LRRTM4: variants seen among roughly 807,000 people sequenced by gnomAD.
LRRTM4 encodes leucine-rich repeat transmembrane neuronal protein 4.
LRRTM4 carries 25 observed loss-of-function variants against 47.6 expected under a neutral mutation model. The observed-to-expected ratio is 0.53, with a 90% CI of 0.38 to 0.73. The LOEUF is 0.73. Among genes scored for constraint, LRRTM4 ranks in the 30% least tolerant of loss-of-function variants. LRRTM4 has a pLI of 0.00. For synonymous variants in LRRTM4, 311 were observed against 269.5 expected, an observed-to-expected ratio of 1.15 and a Z score of -1.51; for missense variants, 638 against 713.4, an observed-to-expected ratio of 0.89 and a Z score of 1.20.
At chr2:76,933,704 A>C (rs553078565) in intron 3 of LRRTM4, among the ~76,000 whole-genome samples, 2 of 152,132 alleles carry the variant, frequency 1.3e-5, no homozygotes, top group South Asian at 4.1e-4. Context: ...CTCAGTTACA[A>C]GGTGTTGACT....
intron 3 of LRRTM4, among the ~76,000 whole-genome samples, chr2:76,961,846 T>C (rs1314587259): frequency 6.6e-6 from 1 of 151,392 alleles, no homozygotes; most frequent in Non-Finnish European, 1.5e-5. Context: ...AATTTTGCTT[T>C]GTCAATATTT....
intron 3 of LRRTM4, chr2:77,516,811 T>C: frequency 2.0e-6 from 2 of 982,056 alleles, no homozygotes; most frequent in Non-Finnish European, 2.4e-6. Flanking sequence ...AACAGTTCAA[T>C]AGTCCAAATT....
At chr2:76,993,537 G>C (rs1677087267) in intron 3 of LRRTM4, among the ~76,000 whole-genome samples, 2 of 151,778 alleles carry the variant, frequency 1.3e-5, no homozygotes, top group Non-Finnish European at 2.9e-5. Flanking sequence ...GGAGAAATGT[G>C]AATCAAAACC....
intron 3 of LRRTM4, among the ~76,000 whole-genome samples, chr2:77,115,525 T>C (rs1337457187): frequency 6.6e-6 from 1 of 152,202 alleles, no homozygotes; most frequent in African/African-American, 2.4e-5. Flanking sequence ...TAAATGTACA[T>C]GAAATCTTCA....
rs1020087522 is a variant in LRRTM4, at chr2:76,748,591, C to G, written c.*104G>C. ...TATGCCATAAATGTTTTAACAGGAACGATGAGCTTGCTCGATTGCGCGATT... is the reference window on the plus strand; with the variant it reads ...TATGCCATAAATGTTTTAACAGGAAGGATGAGCTTGCTCGATTGCGCGATT... On this transcript the variant is annotated 3_prime_UTR_variant, in exon 4 of 4. Coordinates refer to ENST00000409884, the MANE Select transcript of LRRTM4 (RefSeq NM_001134745.3). 3.6e-5 allele frequency: 33 copies of G among 918,592 alleles called. No homozygotes were observed. Among genetic ancestry groups the G allele is most frequent in the Non-Finnish European group, 4.2e-5 (25 of 593,208 alleles). The allele number at this position is 918,592 out of a possible 1,614,324, so 56.9% of individuals were successfully genotyped here.
intron 3 of LRRTM4, among the ~76,000 whole-genome samples, chr2:76,833,828 A>G (rs1406717603): frequency 6.6e-6 from 1 of 151,682 alleles, no homozygotes; most frequent in Non-Finnish European, 1.5e-5. Flanking sequence ...TTTAATATGC[A>G]TGTACCTTAT....
rs1383814948 is a variant in LRRTM4, at chr2:76,767,579, G to T, written c.1552-18663C>A. On this transcript the variant is annotated intron_variant, in intron 3 of 3. Coordinates refer to ENST00000409884, the MANE Select transcript of LRRTM4 (RefSeq NM_001134745.3). The stretch of plus-strand genomic sequence containing the variant: ...CCACTCTATAATATCTAAAGCTACA[G>T]TTGGCTGTAGTTTATCATCCAAGTG... Among the ~76,000 whole-genome samples the T allele has an allele frequency of 3.3e-5, 5 of 152,124 alleles. No homozygotes were observed. In the South Asian group the frequency reaches 8.3e-4, roughly 25 times the overall value.
At chr2:77,158,034 G>C (rs1672608155) in intron 3 of LRRTM4, among the ~76,000 whole-genome samples, 1 of 152,146 alleles carries the variant, frequency 6.6e-6, no homozygotes, top group Non-Finnish European at 1.5e-5. Context: ...ATTGTGTCTA[G>C]GAATGTGTTC....
At chr2:77,127,863 G>T (rs981159439) in intron 3 of LRRTM4, among the ~76,000 whole-genome samples, 1 of 152,174 alleles carries the variant, frequency 6.6e-6, no homozygotes, top group Non-Finnish European at 1.5e-5. Context: ...TTTTTAAGCC[G>T]GCCAGGTGCA....
At chr2:77,382,849 G>A (rs953963827) in intron 3 of LRRTM4, among the ~76,000 whole-genome samples, 2 of 151,950 alleles carry the variant, frequency 1.3e-5, no homozygotes, top group Admixed American at 6.6e-5. Context: ...AAAATGGGCC[G>A]GTTGGTGAAG....
intron 3 of LRRTM4, among the ~76,000 whole-genome samples, chr2:76,852,768 C>T (rs188428726): frequency 4.0e-4 from 61 of 152,186 alleles, no homozygotes; most frequent in Admixed American, 4.0e-3. Context: ...GAAACAAATA[C>T]ACTTAAATAT....
At chr2:77,036,853 G>C (rs1454223555) in intron 3 of LRRTM4, among the ~76,000 whole-genome samples, 2 of 151,450 alleles carry the variant, frequency 1.3e-5, no homozygotes, top group Non-Finnish European at 3.0e-5. Flanking sequence ...CCCAACTTAG[G>C]GATTTCTTAA....
intron 3 of LRRTM4, among the ~76,000 whole-genome samples, chr2:76,762,694 T>C (rs1673301303): frequency 6.6e-6 from 1 of 152,176 alleles, no homozygotes; most frequent in African/African-American, 2.4e-5. Flanking sequence ...GTGTGGTGAC[T>C]CATGCCTGAA....
chr2:77,482,897 C>A (rs2104022384), intron 3 of LRRTM4, among the ~76,000 whole-genome samples: 1 of 151,600 alleles, frequency 6.6e-6, no homozygotes, highest in African/African-American at 2.4e-5. Flanking sequence ...CTGAGGCAGG[C>A]AGATCACAAG....
At chr2:76,932,500 CA>C (rs1378801302) in intron 3 of LRRTM4, among the ~76,000 whole-genome samples, 1 of 151,722 alleles carries the variant, frequency 6.6e-6, no homozygotes, top group Non-Finnish European at 1.5e-5. Flanking sequence ...AGTGTGAGTG[CA>C]AAAAAATATT....
intron 3 of LRRTM4, among the ~76,000 whole-genome samples, chr2:76,886,319 C>T (rs538560966): frequency 1.5e-4 from 23 of 152,168 alleles, no homozygotes; most frequent in Non-Finnish European, 3.1e-4. Context: ...AATTAGACAA[C>T]CTTAAACTTG....
rs542408513 is a variant in LRRTM4, at chr2:77,112,439, G to A, written c.1552-363523C>T. ...AAATGACCATTTTAATACATCTCTA[G>A]GCATGGGCAATATACTGAAAATTCT... On this transcript the variant is annotated intron_variant, in intron 3 of 3. Coordinates refer to ENST00000409884, the MANE Select transcript of LRRTM4 (RefSeq NM_001134745.3). Among the ~76,000 whole-genome samples, 3 of 152,116 alleles carry A rather than the reference G, an allele frequency of 2.0e-5. No homozygotes were observed. The South Asian group carries it at 6.2e-4, about 32-fold the overall frequency.
At chr2:77,086,736 C>A (rs915046293) in intron 3 of LRRTM4, among the ~76,000 whole-genome samples, 3 of 152,070 alleles carry the variant, frequency 2.0e-5, no homozygotes, top group Admixed American at 2.0e-4. Flanking sequence ...CTCAGGTAAT[C>A]CGGCTGCCAC....
chr2:77,224,756 T>G (rs1013409523), intron 3 of LRRTM4, among the ~76,000 whole-genome samples: 21 of 152,142 alleles, frequency 1.4e-4, no homozygotes, highest in African/African-American at 4.8e-4. Context: ...ACTTTTACAC[T>G]GTTGGTGGGA....
Sources: allele counts gnomAD v4.1 joint callset (sites outside exome capture counted in the v4.1 genomes callset), GRCh38; gene constraint gnomAD v4.1.1; transcripts MANE v1.5; gene names NCBI Gene and HGNC (gene_info 2026-07-23, HGNC 2026-07-21).